INTU: variants seen among roughly 807,000 people sequenced by gnomAD.
INTU encodes the protein protein inturned.
A neutral mutation model predicts 100.5 loss-of-function variants in INTU; 68 were observed. The ratio of observed to expected loss-of-function variants is 0.68; its 90% CI spans 0.56 to 0.83. The LOEUF is 0.83. Among genes scored for constraint, INTU ranks in the 40% least tolerant of loss-of-function variants. The pLI is 0.00. For synonymous variants in INTU, 357 were observed against 395.7 expected (o/e 0.90, Z 1.16); for missense variants, 1,071 against 1,114.7 (o/e 0.96, Z 0.56).
At chr4:127,678,754 T>A (rs1729363189) in intron 6 of INTU, among the ~76,000 whole-genome samples, 1 of 152,136 alleles carries the variant, frequency 6.6e-6, no homozygotes, top group Non-Finnish European at 1.5e-5. Flanking sequence ...CATAACAATA[T>A]TGACTTTAAA....
intron 6 of INTU, among the ~76,000 whole-genome samples, chr4:127,677,645 C>CG (rs1226443936): frequency 1.3e-5 from 2 of 151,628 alleles, no homozygotes; most frequent in African/African-American, 4.8e-5. Flanking sequence ...ACCACAAAGA[C>CG]GGGGAAAAAA....
rs1728816902 is a variant in INTU, at chr4:127,669,168, T to A, written c.1091+14T>A. The A allele has an allele frequency of 8.0e-7, 1 of 1,245,114 alleles. No homozygotes were observed. The highest frequency in any genetic ancestry group is 1.4e-5 in the South Asian group (1 of 74,040). The allele number at this position is 1,245,114 out of a possible 1,614,324, so 77.1% of individuals were successfully genotyped here. Reference sequence around the variant, plus strand: ...ACAAGTTACTAGGTAATAATTTTTATTTAGCTTTAATTCTGTTTTTTTCAA... The same window carrying A: ...ACAAGTTACTAGGTAATAATTTTTAATTAGCTTTAATTCTGTTTTTTTCAA... On this transcript the variant is annotated intron_variant, in intron 5 of 15. Coordinates refer to ENST00000335251, the MANE Select transcript of INTU (RefSeq NM_015693.4).
intron 2 of INTU, among the ~76,000 whole-genome samples, chr4:127,656,340 G>T (rs181021019): frequency 6.6e-6 from 1 of 152,182 alleles, no homozygotes; most frequent in East Asian, 1.9e-4. Context: ...TGTTCTTTGG[G>T]TTTACATAAT....
chr4:127,706,519 T>A lies in INTU; in HGVS notation c.1821T>A (p.Ala607=). 6.2e-7 allele frequency: 1 copy of A among 1,613,758 alleles called. No individual in the cohort carries two copies. The highest frequency in any genetic ancestry group is 8.5e-7 in the Non-Finnish European group (1 of 1,179,752). ...KHYMLCVLLE[A]GGCASKAIGS... Reference sequence around the variant, plus strand: ...ATATGCTATGTGTACTATTAGAAGCTGGAGGTTGCGCATCCAAAGCTATTG... The same window carrying A: ...ATATGCTATGTGTACTATTAGAAGCAGGAGGTTGCGCATCCAAAGCTATTG... The change falls in exon 12 of 16, where the codon GCT becomes GCA. Residue 607 remains alanine (A), a synonymous_variant. Transcript: ENST00000335251.
intron 6 of INTU, among the ~76,000 whole-genome samples, chr4:127,680,715 C>G (rs1236073506): frequency 6.8e-6 from 1 of 147,242 alleles, no homozygotes. Context: ...CGTCTCTCAC[C>G]GCTCCTATTC....
intron 9 of INTU, among the ~76,000 whole-genome samples, chr4:127,703,915 A>G (rs1020217400): frequency 6.6e-6 from 1 of 152,130 alleles, no homozygotes; most frequent in Non-Finnish European, 1.5e-5. Context: ...GATACTGTAG[A>G]TGATGTAGAG....
At chr4:127,660,292 G>C (rs1002234361) in intron 3 of INTU, among the ~76,000 whole-genome samples, 1 of 152,190 alleles carries the variant, frequency 6.6e-6, no homozygotes, top group Non-Finnish European at 1.5e-5. Context: ...CACTCAGTGA[G>C]GTGGCCCAAG....
At chr4:127,706,408 T>A in intron 11 of INTU, 79 bp from the exon 12 acceptor site, 1 of 1,239,114 alleles carries the variant, frequency 8.1e-7, no homozygotes, top group Non-Finnish European at 1.1e-6. Flanking sequence ...TCTTCGATAT[T>A]TATAAGTTTA....
intron 4 of INTU, among the ~76,000 whole-genome samples, chr4:127,665,096 C>A (rs1728637108): frequency 6.6e-6 from 1 of 151,238 alleles, no homozygotes; most frequent in African/African-American, 2.4e-5. Context: ...TTTCAGTTAC[C>A]CTTCCTTTAC....
intron 1 of INTU, among the ~76,000 whole-genome samples, chr4:127,636,129 G>T (rs1369313451): frequency 6.6e-6 from 1 of 152,004 alleles, no homozygotes; most frequent in Non-Finnish European, 1.5e-5. Context: ...AATTAGCCAG[G>T]CATGATGGTA....
intron 12 of INTU, among the ~76,000 whole-genome samples, chr4:127,707,993 T>C (rs2148733850): frequency 6.6e-6 from 1 of 152,126 alleles, no homozygotes; most frequent in African/African-American, 2.4e-5. Context: ...CCAGATGCAA[T>C]CTCCTCATAC....
At chr4:127,654,281 A>T (rs920566537) in intron 2 of INTU, among the ~76,000 whole-genome samples, 17 of 151,996 alleles carry the variant, frequency 1.1e-4, no homozygotes, top group Admixed American at 4.6e-4. Context: ...TTAGCTGGTG[A>T]TTTTGCTCGT....
At chr4:127,698,505 A>G (rs1730499269) in intron 8 of INTU, among the ~76,000 whole-genome samples, 1 of 151,862 alleles carries the variant, frequency 6.6e-6, no homozygotes, top group Admixed American at 6.6e-5. Context: ...ATGCCTGGCA[A>G]TTTTAGGTGG....
At chr4:127,670,602 G>C (rs11936086) in intron 5 of INTU, among the ~76,000 whole-genome samples, 12,073 of 151,672 alleles carry the variant, frequency 0.08, 1,269 homozygotes, top group African/African-American at 0.24. Flanking sequence ...TGAAGTGCAT[G>C]TGTAATCCTA....
chr4:127,694,680 AT>A (rs1412272962), intron 8 of INTU, among the ~76,000 whole-genome samples: 1 of 152,044 alleles, frequency 6.6e-6, no homozygotes, highest in East Asian at 1.9e-4. Flanking sequence ...CTTAGAGTTA[AT>A]TTTTGTGAAG....
rs190150807 is a variant in INTU at position 127,634,779 on chromosome 4, G to A, written c.146+1599G>A. 1.3e-3 allele frequency among the ~76,000 whole-genome samples: 194 copies of A among 152,222 alleles called. 3 individuals carry two copies. In the Middle Eastern group the frequency reaches 0.02, roughly 16 times the overall value. On this transcript the variant is annotated intron_variant, in intron 1 of 15. Transcript: ENST00000335251. ...CTACCAAGTTTCAAATTTTAAGTCT[G>A]TCCCTTCTTGATTTGTAGGACATGA...
rs1270601400 is a variant in INTU at position 127,714,096 on chromosome 4, A to T, written c.2717+3A>T. The T allele has an allele frequency of 1.2e-6, 2 of 1,601,202 alleles. No homozygotes were observed. Among genetic ancestry groups the T allele is most frequent in the South Asian group, 1.1e-5 (1 of 88,196 alleles). ...GTTATGGCTTACTGGGTAGTAGGGT[A>T]AGTGAGAAAAAAAAGTATTTGAAAG... On this transcript the variant is annotated splice_donor_region_variant and intron_variant, in intron 15 of 15. Transcript: ENST00000335251.
At position 127,661,397 on chromosome 4, in the gene INTU, A is replaced by G. The variant is rs1355727498; in HGVS notation, c.769-1984A>G. 2.0e-5 allele frequency among the ~76,000 whole-genome samples: 3 copies of G among 151,948 alleles called. No homozygotes were observed. The South Asian group carries it at 6.3e-4, about 32-fold the overall frequency. ...TTGGTAGGTTGCACCCTACCTCTCC[A>G]CCCATAAGAATCTCAGCTGGGAAAG... On this transcript the variant is annotated intron_variant, in intron 3 of 15. Coordinates refer to ENST00000335251, the MANE Select transcript of INTU (RefSeq NM_015693.4).
intron 14 of INTU, 132 bp downstream of exon 14, chr4:127,711,234 G>A (rs970380969): frequency 9.9e-6 from 6 of 607,310 alleles, no homozygotes; most frequent in Middle Eastern, 4.5e-4. Flanking sequence ...TTAATCTAAC[G>A]TGGGTGCCAA....
Sources: gnomAD v4.1 joint callset for allele counts (sites outside exome capture counted in the v4.1 genomes callset) on GRCh38, gnomAD v4.1.1 for gene constraint, MANE v1.5 for transcripts, NCBI Gene and HGNC (gene_info 2026-07-23, HGNC 2026-07-21) for gene names.